The following NFATC1 variants were observed in gnomAD, a reference collection of about 807,000 sequenced individuals.
The protein encoded by NFATC1 is nuclear factor of activated T cells 1, also known as nuclear factor of activated T-cells, cytoplasmic 1.
In NFATC1, 22 loss-of-function variants were observed where a neutral mutation model predicts 76.0. That is an observed-to-expected ratio of 0.29 (90% CI 0.21 to 0.41). The LOEUF is 0.41. NFATC1 is among the 10% of genes least tolerant of loss of function. The pLI is 1.00. For synonymous variants in NFATC1, 704 were observed against 613.1 expected, an observed-to-expected ratio of 1.15 and a Z score of -2.19; for missense variants, 1,357 against 1,337.7, an observed-to-expected ratio of 1.01 and a Z score of -0.23.
chr18:79,484,220 C>G (rs1208101421), intron 8 of NFATC1, among the ~76,000 whole-genome samples: 2 of 152,100 alleles, frequency 1.3e-5, no homozygotes, highest in Non-Finnish European at 2.9e-5. Context: ...CTGCACTCCC[C>G]GAGTTCACTG....
At chr18:79,510,588 CT>C (rs1241915126) in intron 9 of NFATC1, among the ~76,000 whole-genome samples, 1 of 152,190 alleles carries the variant, frequency 6.6e-6, no homozygotes, top group East Asian at 1.9e-4. Context: ...TTTCAGCGGT[CT>C]TTTCTGTTTA....
chr18:79,499,749 G>T (rs2089975851), intron 9 of NFATC1, among the ~76,000 whole-genome samples: 2 of 152,156 alleles, frequency 1.3e-5, no homozygotes, highest in East Asian at 3.8e-4. Context: ...ACATACTTCA[G>T]ATTTAAAGAC....
At chr18:79,439,644 TG>T (rs2086902332) in intron 3 of NFATC1, among the ~76,000 whole-genome samples, 1 of 152,246 alleles carries the variant, frequency 6.6e-6, no homozygotes, top group South Asian at 2.1e-4. Context: ...CCCATGCAGC[TG>T]GGAGAGCACA....
chr18:79,464,677 T>TATATACACAC (rs1491232366), intron 7 of NFATC1, among the ~76,000 whole-genome samples: 8,322 of 115,074 alleles, frequency 0.072, 819 homozygotes, highest in East Asian at 0.15. Flanking sequence ...TGTGTATATG[T>TATATACACAC]ATGTGTATAT....
rs1018805710 is a variant in NFATC1 at position 79,425,275 on chromosome 18, CTCTG to C, written c.1227-8296_1227-8293del. ...TTTCTCTCCCTGTCTCTGTCTCTCT[CTCTG>C]TCTGTCTTTCTTTCTTACTCTCTTT... On this transcript the variant is annotated intron_variant, in intron 2 of 9. Coordinates refer to ENST00000427363, the MANE Select transcript of NFATC1 (RefSeq NM_001278669.2). Among the ~76,000 whole-genome samples, 29 of 64,228 alleles carry C rather than the reference CTCTG, an allele frequency of 4.5e-4. 3 individuals carry two copies. Among genetic ancestry groups the C allele is most frequent in the East Asian group, 2.0e-3 (5 of 2,448 alleles). The allele number at this position is 64,228 out of a possible 152,430, so 42.1% of individuals were successfully genotyped here.
chr18:79,508,888 GTCCC>G (rs796365888), intron 9 of NFATC1, among the ~76,000 whole-genome samples: 1 of 150,692 alleles, frequency 6.6e-6, no homozygotes, highest in African/African-American at 2.4e-5. Flanking sequence ...CTCTCTCTCC[GTCCC>G]TCCCTCCCTC....
chr18:79,457,348 C>A (rs2087788596), intron 6 of NFATC1, among the ~76,000 whole-genome samples: 1 of 152,284 alleles, frequency 6.6e-6, no homozygotes, highest in South Asian at 2.1e-4. Flanking sequence ...CTCATCAAGC[C>A]GCATTCTGGA....
chr18:79,444,474 G>A (rs556069376), intron 3 of NFATC1, among the ~76,000 whole-genome samples: 16 of 105,468 alleles, frequency 1.5e-4, no homozygotes, highest in African/African-American at 7.6e-4. Flanking sequence ...AGCTTCCCCC[G>A]CCTACCCCGA....
At chr18:79,442,827 TCTCCCCACTCCCACCCAGACAG>T (rs1292470174) in intron 3 of NFATC1, among the ~76,000 whole-genome samples, 7 of 151,966 alleles carry the variant, frequency 4.6e-5, no homozygotes, top group Non-Finnish European at 7.4e-5. Context: ...AACCCGAGTT[TCTCCCCACTCCCACCCAGACAG>T]CTCCCCACTC....
chr18:79,467,544 G>C lies in NFATC1; in HGVS notation c.2054G>C (p.Arg685Pro). ...SFYVCNGKRK[R>P]SQYQRFTYLP... ...TACGTCTGCAACGGGAAGAGAAAGCGAAGCCAGTACCAGCGTTTCACCTAC... is the reference window on the plus strand; with the variant it reads ...TACGTCTGCAACGGGAAGAGAAAGCCAAGCCAGTACCAGCGTTTCACCTAC... The change falls in exon 8 of 10, where the codon CGA becomes CCA. Residue 685 changes from arginine to proline, a missense_variant. By Grantham distance (103) the Arg-to-Pro change is moderately radical. This residue lies in a region of NFATC1 where 424 missense variants were observed against 395.4 expected (regional missense o/e 1.07). Transcript: ENST00000427363. 6.2e-7 allele frequency: 1 copy of C among 1,613,992 alleles called. No homozygotes were observed. Among genetic ancestry groups the C allele is most frequent in the South Asian group, 1.1e-5 (1 of 91,086 alleles).
At chr18:79,513,578 G>A (rs1374272864) in intron 9 of NFATC1, among the ~76,000 whole-genome samples, 7 of 152,260 alleles carry the variant, frequency 4.6e-5, no homozygotes, top group Non-Finnish European at 7.3e-5. Flanking sequence ...CTTTCCCGCC[G>A]GCGGGGGCGT....
intron 6 of NFATC1, among the ~76,000 whole-genome samples, chr18:79,455,901 C>G (rs1464243479): frequency 6.6e-6 from 1 of 152,226 alleles, no homozygotes; most frequent in Non-Finnish European, 1.5e-5. Flanking sequence ...TTCCAGATTT[C>G]TCCACACAGC....
intron 8 of NFATC1, among the ~76,000 whole-genome samples, chr18:79,473,387 G>A (rs955158528): frequency 5.3e-5 from 8 of 152,144 alleles, no homozygotes; most frequent in African/African-American, 9.6e-5. Context: ...TACTGTCAAC[G>A]TTGCGAGGGA....
Position 79,411,209 on chromosome 18 carries a change from A to T in NFATC1, c.934A>T (p.Ile312Phe), listed in dbSNP as rs1345282183. The change falls in exon 2 of 10, where the codon ATC becomes TTC. Residue 312 changes from isoleucine to phenylalanine, a missense_variant. By Grantham distance (21) the Ile-to-Phe change is conservative. Transcript: ENST00000427363. ...CACCACCCAGTACACCAGCTCGGCC[A>T]TCGTGGCCGCCATCAACGCGCTGAC... ...GNTTQYTSSA[I>F]VAAINALTTD... 3 of 1,608,956 alleles carry T rather than the reference A, an allele frequency of 1.9e-6. No individual in the cohort carries two copies. The highest frequency in any genetic ancestry group is 2.5e-6 in the Non-Finnish European group (3 of 1,179,842).
At chr18:79,510,287 C>T (rs1198720372) in intron 9 of NFATC1, among the ~76,000 whole-genome samples, 1 of 151,956 alleles carries the variant, frequency 6.6e-6, no homozygotes, top group Non-Finnish European at 1.5e-5. Context: ...CAAAAGATGA[C>T]ATAGAATGAG....
chr18:79,436,487 C>A (rs1445827213), intron 3 of NFATC1, among the ~76,000 whole-genome samples: 5 of 152,338 alleles, frequency 3.3e-5, no homozygotes, highest in African/African-American at 9.6e-5. Flanking sequence ...CTCTCGCGGC[C>A]AGGGGCACGC....
intron 3 of NFATC1, among the ~76,000 whole-genome samples, chr18:79,441,070 C>T (rs2086956819): frequency 6.6e-6 from 1 of 152,250 alleles, no homozygotes; most frequent in East Asian, 1.9e-4. Context: ...CAGATGGCCC[C>T]TGGGCCCTGC....
At chr18:79,516,459 A>G (rs1322228591) in intron 9 of NFATC1, among the ~76,000 whole-genome samples, 3 of 152,184 alleles carry the variant, frequency 2.0e-5, no homozygotes, top group Non-Finnish European at 4.4e-5. Context: ...GGTTCTAGAG[A>G]CGCTGCGACC....
chr18:79,409,667 A>T (rs999479766), intron 1 of NFATC1, among the ~76,000 whole-genome samples: 3 of 152,102 alleles, frequency 2.0e-5, no homozygotes, highest in Non-Finnish European at 4.4e-5. Context: ...TCCATCCATC[A>T]GTTTCTTTAC....
Sources: allele counts gnomAD v4.1 joint callset (sites outside exome capture counted in the v4.1 genomes callset), GRCh38; gene constraint gnomAD v4.1.1; regional missense constraint gnomAD v4.1.1; transcripts MANE v1.5; gene names NCBI Gene and HGNC (gene_info 2026-07-23, HGNC 2026-07-21).